Variants in PCNX2 observed in about 807,000 individuals in gnomAD.
PCNX2 encodes the protein pecanex 2.
Under a neutral mutation model 223.8 loss-of-function variants are expected in PCNX2, and 168 were observed. The ratio of observed to expected loss-of-function variants is 0.75; its 90% CI spans 0.66 to 0.85. PCNX2 has a LOEUF of 0.85. Among genes scored for constraint, PCNX2 ranks in the 40% least tolerant of loss-of-function variants. The pLI is 0.00. For missense variants in PCNX2, 2,507 were observed against 2,675.5 expected, an observed-to-expected ratio of 0.94 and a Z score of 1.39; for synonymous variants, 1,006 against 1,052.6, an observed-to-expected ratio of 0.96 and a Z score of 0.86.
At chr1:233,122,784 A>C (rs919756492) in intron 21 of PCNX2, among the ~76,000 whole-genome samples, 1 of 152,104 alleles carries the variant, frequency 6.6e-6, no homozygotes, top group Non-Finnish European at 1.5e-5. Flanking sequence ...CAGCCTCCCA[A>C]AGTGCTGGGA....
rs553572719 is a variant in PCNX2 at position 233,156,632 on chromosome 1, C to T, written c.3517+3651G>A. Among the ~76,000 whole-genome samples the T allele has an allele frequency of 2.3e-4, 35 of 152,118 alleles. 1 individual carries two copies. The East Asian group carries it at 6.2e-3, about 27-fold the overall frequency. ...TCTGGAGGGGCCGATTTTAAACAGA[C>T]GTGGGCTGGGCACGGTGGCTCATGC... is the stretch of plus-strand genomic sequence containing the variant. On this transcript the variant is annotated intron_variant, in intron 19 of 33. Coordinates refer to ENST00000258229, the MANE Select transcript of PCNX2 (RefSeq NM_014801.4).
At chr1:233,221,733 C>T (rs76682806) in intron 10 of PCNX2, among the ~76,000 whole-genome samples, 327 of 152,192 alleles carry the variant, frequency 2.1e-3, no homozygotes, top group Non-Finnish European at 3.7e-3. Context: ...ACCCCTGACT[C>T]GAGGACACAA....
chr1:233,060,701 T>C (rs1053659356), intron 23 of PCNX2, among the ~76,000 whole-genome samples: 1 of 152,222 alleles, frequency 6.6e-6, no homozygotes, highest in Admixed American at 6.5e-5. Context: ...ACAGGGCTTA[T>C]AGCTCACTCC....
intron 5 of PCNX2, among the ~76,000 whole-genome samples, chr1:233,255,319 GCCACC>G (rs1299772363): frequency 2.0e-5 from 3 of 152,104 alleles, no homozygotes; most frequent in Admixed American, 2.0e-4. Flanking sequence ...TCCTAGTCCA[GCCACC>G]TCCAGCTTCC....
chr1:233,278,173 G>C (rs1301675629), intron 1 of PCNX2, among the ~76,000 whole-genome samples: 1 of 150,036 alleles, frequency 6.7e-6, no homozygotes, highest in Admixed American at 6.6e-5. Flanking sequence ...TACCTGACAC[G>C]CAGTCAACAC....
In PCNX2 at chr1:233,197,972, T is replaced by C. The variant is rs183337235; in HGVS notation, c.3066+967A>G. Among the ~76,000 whole-genome samples, 529 of 152,276 alleles carry C rather than the reference T, an allele frequency of 3.5e-3. 7 individuals are homozygous for C. The highest frequency in any genetic ancestry group is 0.012 in the African/African-American group (512 of 41,552). ...ACCGTAAGTCCAGAAATATGTATAA[T>C]ATTAATTTATTTGTTACTGACTGAA... On this transcript the variant is annotated intron_variant, in intron 15 of 33. Coordinates refer to ENST00000258229, the MANE Select transcript of PCNX2 (RefSeq NM_014801.4).
At chr1:233,105,394 T>C (rs1205607273) in intron 21 of PCNX2, among the ~76,000 whole-genome samples, 1 of 152,226 alleles carries the variant, frequency 6.6e-6, no homozygotes, top group Non-Finnish European at 1.5e-5. Flanking sequence ...AAAAGAGTTC[T>C]TTTTAAACCT....
intron 1 of PCNX2, among the ~76,000 whole-genome samples, chr1:233,286,746 C>T (rs1271144550): frequency 6.6e-6 from 1 of 151,990 alleles, no homozygotes; most frequent in African/African-American, 2.4e-5. Context: ...GGAACACGTG[C>T]CATGCTCTGA....
chr1:233,172,690 G>T (rs1405510140), intron 17 of PCNX2, among the ~76,000 whole-genome samples: 1 of 152,216 alleles, frequency 6.6e-6, no homozygotes, highest in East Asian at 1.9e-4. Flanking sequence ...GGCAAAAGCA[G>T]CTTCCTGCCC....
Position 233,117,782 on chromosome 1 carries a change from G to A in PCNX2, c.3837+17231C>T, listed in dbSNP as rs1472686381. ...TCCCAGCACTTTGGGAGGCCGAGGC[G>A]GGCGGATCACGAGGTCAGGAGATCG... On this transcript the variant is annotated intron_variant, in intron 21 of 33. Coordinates refer to ENST00000258229, the MANE Select transcript of PCNX2 (RefSeq NM_014801.4). Among the ~76,000 whole-genome samples the A allele has an allele frequency of 3.3e-5, 5 of 150,868 alleles. No homozygotes were observed. The East Asian group carries it at 5.9e-4, about 18-fold the overall frequency.
At position 232,984,192 on chromosome 1, in the gene PCNX2, G is replaced by T; in HGVS notation, c.*112C>A. 1 of 857,794 alleles carries T rather than the reference G, an allele frequency of 1.2e-6. No individual in the cohort carries two copies. 53.1% of individuals were successfully genotyped at this position (857,794 alleles called of 1,614,324 possible). ...ACAGCTCTCCTTTTCCACAGGAGGA[G>T]TCCCTCATGGATCGCGGTATTGGTT... On this transcript the variant is annotated 3_prime_UTR_variant, in exon 34 of 34. Coordinates refer to ENST00000258229, the MANE Select transcript of PCNX2 (RefSeq NM_014801.4).
In PCNX2 at chr1:233,295,563, C is replaced by A. The variant is rs974596296; in HGVS notation, c.-85G>T. On this transcript the variant is annotated 5_prime_UTR_variant, in exon 1 of 34. Coordinates refer to ENST00000258229, the MANE Select transcript of PCNX2 (RefSeq NM_014801.4). This position sits in a 1 kb window ranked among gnomAD's most constrained non-coding sequence, Gnocchi z 4.1. ...CTCCAGGCTCCCTCAGGTCTAACAC[C>A]CGGGCCCGCGGGCCGCGCCCCCGCC... 3.9e-6 allele frequency: 5 copies of A among 1,276,044 alleles called. No individual in the cohort carries two copies. Among genetic ancestry groups the A allele is most frequent in the Non-Finnish European group, 5.0e-6 (5 of 1,007,078 alleles). 79.0% of individuals were successfully genotyped at this position (1,276,044 alleles called of 1,614,324 possible).
At chr1:233,140,062 G>A (rs1250471910) in intron 19 of PCNX2, among the ~76,000 whole-genome samples, 4 of 149,272 alleles carry the variant, frequency 2.7e-5, no homozygotes, top group Non-Finnish European at 4.5e-5. Context: ...TATACATACA[G>A]TAATATAGGC....
intron 1 of PCNX2, among the ~76,000 whole-genome samples, chr1:233,282,438 A>C (rs1661240021): frequency 2.0e-5 from 3 of 152,144 alleles, no homozygotes; most frequent in Admixed American, 2.0e-4. Context: ...TTGATATCTA[A>C]AAGGAAACTC....
At chr1:233,168,024 T>C (rs553567560) in intron 17 of PCNX2, among the ~76,000 whole-genome samples, 34 of 152,240 alleles carry the variant, frequency 2.2e-4, no homozygotes, top group African/African-American at 8.2e-4. Flanking sequence ...AAATTACTTA[T>C]CTAAAAAACA....
At chr1:233,032,418 T>C (rs796328979) in intron 25 of PCNX2, among the ~76,000 whole-genome samples, 5 of 152,158 alleles carry the variant, frequency 3.3e-5, no homozygotes, top group African/African-American at 1.2e-4. Flanking sequence ...TTTTCAGAAA[T>C]ATATCACACA....
At chr1:233,318,887 C>T in the PCNX2 span, among the ~76,000 whole-genome samples, 1 of 152,098 alleles carries the variant, frequency 6.6e-6, no homozygotes. Context: ...TCCCTTTTCA[C>T]TTACCTAATC....
At chr1:233,291,003 T>G (rs1014344971) in intron 1 of PCNX2, 1 of 985,268 alleles carries the variant, frequency 1.0e-6, no homozygotes, top group Non-Finnish European at 1.2e-6. Context: ...TCCAGTGGAG[T>G]TGACCACAAT....
intron 25 of PCNX2, among the ~76,000 whole-genome samples, chr1:233,050,928 A>G (rs1671982238): frequency 6.6e-6 from 1 of 152,218 alleles, no homozygotes; most frequent in Admixed American, 6.5e-5. Context: ...TATGTAACTG[A>G]CAAAGGTCTA....
Sources: gnomAD v4.1 joint callset for allele counts (sites outside exome capture counted in the v4.1 genomes callset) on GRCh38, gnomAD v4.1.1 for gene constraint, Gnocchi (gnomAD v3.1) non-coding constraint, MANE v1.5 for transcripts, NCBI Gene and HGNC (gene_info 2026-07-23, HGNC 2026-07-21) for gene names.